PCDHGA9: variants seen among roughly 807,000 people sequenced by gnomAD.
The protein encoded by PCDHGA9 is protocadherin gamma subfamily A, 9, also known as protocadherin gamma-A9.
PCDHGA9 carries 37 observed loss-of-function variants against 62.5 expected under a neutral mutation model. The observed-to-expected ratio is 0.59, with a 90% CI of 0.46 to 0.78. PCDHGA9 has a LOEUF of 0.78. Among genes scored for constraint, PCDHGA9 ranks in the 30% least tolerant of loss-of-function variants. The pLI is 0.00. For missense variants in PCDHGA9, 1,138 were observed against 1,166.2 expected (o/e 0.98, Z 0.35); for synonymous variants, 459 against 484.6 (o/e 0.95, Z 0.69).
In PCDHGA9 at chr5:141,403,923, G is replaced by T. The variant is rs199643799; in HGVS notation, c.971G>T (p.Gly324Val). 1.2e-3 allele frequency: 1,935 copies of T among 1,613,900 alleles called. 4 individuals carry two copies. Among genetic ancestry groups the T allele is most frequent in the Non-Finnish European group, 1.5e-3 (1,744 of 1,179,882 alleles). Residue 324 changes from glycine (G) to valine (V), a missense_variant, in exon 1 of 4, where the codon GGT becomes GTT. By Grantham distance (109) the Gly-to-Val change is moderately radical. Transcript: ENST00000573521. The stretch of plus-strand genomic sequence containing the variant: ...GAAATGGAAATACAAGCTGAAGATG[G>T]TGGGGGATTGAAAGGGTGGACAAAA... Reference protein sequence around the residue: ...FYEMEIQAEDGGGLKGWTKVL... With the variant: ...FYEMEIQAEDVGGLKGWTKVL...
chr5:141,471,631 G>A (rs573080972), intron 1 of PCDHGA9: 7 of 152,188 alleles, frequency 4.6e-5, no homozygotes, highest in African/African-American at 9.6e-5. Flanking sequence ...CATTGGTATG[G>A]ATTAGTAATA....
In PCDHGA9 at chr5:141,433,401, A is replaced by ATCTC. The variant is rs1554126038; in HGVS notation, c.2424+28028_2424+28029insCTCT. On this transcript the variant is annotated intron_variant, in intron 1 of 3. Transcript: ENST00000573521. ...TATCTATCTATCTATCTATCTATCT[A>ATCTC]TCTATTACTTTCTTGTACAGACAGG... Among the ~76,000 whole-genome samples, 677 of 150,598 alleles carry ATCTC rather than the reference A, an allele frequency of 4.5e-3. 6 individuals are homozygous for ATCTC. Among genetic ancestry groups the ATCTC allele is most frequent in the African/African-American group, 0.015 (630 of 40,958 alleles).
intron 1 of PCDHGA9, among the ~76,000 whole-genome samples, chr5:141,466,863 C>A (rs1409042461): frequency 1.3e-5 from 2 of 152,070 alleles, no homozygotes; most frequent in African/African-American, 4.8e-5. Context: ...ATTTTGAAAT[C>A]CACACATTTT....
intron 1 of PCDHGA9, among the ~76,000 whole-genome samples, chr5:141,433,641 G>A (rs1177387884): frequency 6.6e-6 from 1 of 152,104 alleles, no homozygotes; most frequent in Non-Finnish European, 1.5e-5. Flanking sequence ...TTTGAGACCA[G>A]CCTGACCAAC....
intron 1 of PCDHGA9, among the ~76,000 whole-genome samples, chr5:141,480,866 G>A (rs1329444129): frequency 6.6e-6 from 1 of 152,142 alleles, no homozygotes; most frequent in Non-Finnish European, 1.5e-5. Flanking sequence ...CCAATATGGT[G>A]AAACCCCGTC....
chr5:141,460,511 AT>A (rs937107682), intron 1 of PCDHGA9, among the ~76,000 whole-genome samples: 2 of 152,168 alleles, frequency 1.3e-5, no homozygotes, highest in African/African-American at 4.8e-5. Flanking sequence ...TGAGAAGGCT[AT>A]CTTTTCCCCA....
chr5:141,428,454 C>A, intron 1 of PCDHGA9: 1 of 365,394 alleles, frequency 2.7e-6, no homozygotes, highest in Non-Finnish European at 5.2e-6. Context: ...TTTTTCCCAA[C>A]TACAATGAGG....
At chr5:141,481,587 G>A (rs1276529821) in intron 1 of PCDHGA9, among the ~76,000 whole-genome samples, 1 of 152,198 alleles carries the variant, frequency 6.6e-6, no homozygotes, top group African/African-American at 2.4e-5. Context: ...GGAGGCTGAG[G>A]CCAGCGGATC....
At chr5:141,418,563 C>T in intron 1 of PCDHGA9, 2 of 1,613,998 alleles carry the variant, frequency 1.2e-6, no homozygotes, top group Non-Finnish European at 1.7e-6. Context: ...GTAATAGATG[C>T]CAATGACAAC....
chr5:141,462,036 G>A (rs760555655), intron 1 of PCDHGA9, among the ~76,000 whole-genome samples: 5 of 151,978 alleles, frequency 3.3e-5, no homozygotes, highest in African/African-American at 7.3e-5. Flanking sequence ...TTGGTCAGGC[G>A]GGTCTTGAAC....
intron 1 of PCDHGA9, chr5:141,478,942 C>G: frequency 1.7e-6 from 1 of 579,218 alleles, no homozygotes; most frequent in Non-Finnish European, 2.9e-6. Context: ...TCTAGGAATA[C>G]AAAAACTACC....
chr5:141,478,392 A>T, intron 1 of PCDHGA9: 1 of 1,613,560 alleles, frequency 6.2e-7, no homozygotes, highest in East Asian at 2.2e-5. Flanking sequence ...CTTTACCATC[A>T]GGTGTATCTC....
intron 1 of PCDHGA9, among the ~76,000 whole-genome samples, chr5:141,449,677 A>G (rs543079734): frequency 6.3e-4 from 96 of 151,362 alleles, no homozygotes; most frequent in Non-Finnish European, 1.1e-3. Flanking sequence ...GTGTATGTAT[A>G]TATGTTTGTG....
chr5:141,458,394 T>A (rs2098944697), intron 1 of PCDHGA9, among the ~76,000 whole-genome samples: 1 of 152,062 alleles, frequency 6.6e-6, no homozygotes, highest in African/African-American at 2.4e-5. Context: ...ACGCTCCCCC[T>A]TGCAGAGACG....
intron 1 of PCDHGA9, among the ~76,000 whole-genome samples, chr5:141,442,967 G>T (rs553833025): frequency 1.3e-5 from 2 of 152,220 alleles, no homozygotes; most frequent in African/African-American, 2.4e-5. Context: ...AGACATTCTG[G>T]CTGATAAAGT....
intron 2 of PCDHGA9, among the ~76,000 whole-genome samples, chr5:141,496,582 G>A (rs991035985): frequency 1.9e-4 from 29 of 152,100 alleles, no homozygotes; most frequent in Non-Finnish European, 3.5e-4. Flanking sequence ...TTTTAGGAAC[G>A]CAAAGCGCTT....
At chr5:141,508,927 A>C (rs1562237319) in intron 3 of PCDHGA9, among the ~76,000 whole-genome samples, 1 of 151,542 alleles carries the variant, frequency 6.6e-6, no homozygotes. Context: ...TTCCTTTTGG[A>C]GTTAATTAGG....
At position 141,491,489 on chromosome 5, in the gene PCDHGA9, A is replaced by T; in HGVS notation, c.2425-3318A>T. 1.2e-6 allele frequency: 2 copies of T among 1,614,130 alleles called. No individual in the cohort carries two copies. Among genetic ancestry groups the T allele is most frequent in the Non-Finnish European group, 1.7e-6 (2 of 1,180,018 alleles). On this transcript the variant is annotated intron_variant, in intron 1 of 3. Coordinates refer to ENST00000573521, the MANE Select transcript of PCDHGA9 (RefSeq NM_018921.3). This position sits in a 1 kb window ranked among gnomAD's most constrained non-coding sequence, Gnocchi z 6.9. ...TATAAGCAGTCCAGCCCCAACCTGC[A>T]GGTGAGCTCGGACGGCACGCTCAAG... is the stretch of plus-strand genomic sequence containing the variant.
chr5:141,477,629 C>T lies in PCDHGA9; in HGVS notation c.2425-17178C>T, dbSNP rs1191573380. 6.2e-7 allele frequency: 1 copy of T among 1,614,158 alleles called. No homozygotes were observed. Reference sequence around the variant, plus strand: ...CTTGGAGCAAGGAGCTGAAACCGGGCTAGTGGGTCGCTATTTCACAATAAA... The same window carrying T: ...CTTGGAGCAAGGAGCTGAAACCGGGTTAGTGGGTCGCTATTTCACAATAAA... On this transcript the variant is annotated intron_variant, in intron 1 of 3. Coordinates refer to ENST00000573521, the MANE Select transcript of PCDHGA9 (RefSeq NM_018921.3). The surrounding 1 kb of genome is among the most constrained non-coding windows in gnomAD (Gnocchi z 4.9).
Sources: gnomAD v4.1 joint callset for allele counts (sites outside exome capture counted in the v4.1 genomes callset) on GRCh38, gnomAD v4.1.1 for gene constraint, Gnocchi (gnomAD v3.1) non-coding constraint, MANE v1.5 for transcripts, NCBI Gene and HGNC (gene_info 2026-07-23, HGNC 2026-07-21) for gene names.